Variants in STAU2 observed in about 807,000 individuals in gnomAD.
STAU2 encodes the protein double-stranded RNA-binding protein Staufen homolog 2.
A neutral mutation model predicts 65.9 loss-of-function variants in STAU2; 20 were observed. The ratio of observed to expected loss-of-function variants is 0.30; its 90% CI spans 0.21 to 0.44. The LOEUF is 0.44. Among genes scored for constraint, STAU2 ranks in the 20% least tolerant of loss-of-function variants. The probability of loss-of-function intolerance (pLI) is 1.00; values close to 1 mark genes in which losing one functional copy is unlikely to be tolerated. For missense variants in STAU2, 558 were observed against 683.9 expected, an observed-to-expected ratio of 0.82 and a Z score of 2.05; for synonymous variants, 232 against 233.9, an observed-to-expected ratio of 0.99 and a Z score of 0.07.
chr8:73,599,765 C>A (rs1458398344), intron 10 of STAU2, among the ~76,000 whole-genome samples: 1 of 151,842 alleles, frequency 6.6e-6, no homozygotes, highest in Non-Finnish European at 1.5e-5. Flanking sequence ...TTATTTCCAA[C>A]AGTACTTTTT....
chr8:73,658,943 C>CAAAA (rs71269931), intron 6 of STAU2, among the ~76,000 whole-genome samples: 10 of 141,890 alleles, frequency 7.0e-5, no homozygotes, highest in African/African-American at 2.3e-4. Context: ...ACAAAAACAA[C>CAAAA]AAAAAAAAAA....
chr8:73,535,679 C>T (rs118054317), intron 13 of STAU2, among the ~76,000 whole-genome samples: 3,704 of 152,268 alleles, frequency 0.024, 57 homozygotes, highest in South Asian at 0.043. Flanking sequence ...TTTGACATAC[C>T]TATATACATC....
In STAU2 at chr8:73,746,434, T is replaced by C. The variant is rs1465820917; in HGVS notation, c.-197+349A>G. Among the ~76,000 whole-genome samples, 3 of 151,406 alleles carry C rather than the reference T, an allele frequency of 2.0e-5. No homozygotes were observed. The East Asian group carries it at 6.0e-4, about 30-fold the overall frequency. On this transcript the variant is annotated intron_variant, in intron 1 of 14. Transcript: ENST00000524300. ...CAGCCTCCCGCGCCCGCAGCCGCGT[T>C]CCTGTCTCCCCGACCTCCGCACCCC...
chr8:73,613,847 C>A lies in STAU2; in HGVS notation c.788G>T (p.Arg263Leu). The change falls in exon 9 of 15, where the codon CGC becomes CTC. Residue 263 changes from arginine (R) to leucine (L), a missense_variant. By Grantham distance (102) the Arg-to-Leu change is moderately radical. Around this residue, in one of 3 missense-constraint regions of STAU2, gnomAD observed 199 missense variants for 299.5 expected, o/e 0.66. Coordinates refer to ENST00000524300, the MANE Select transcript of STAU2 (RefSeq NM_001164380.2). ...EGNSKKLSKK[R>L]AATTVLQELK... ...CTCCTGTAAGACGGTGGTCGCAGCG[C>A]GCTTCTTGGAGAGTTTTTTGCTATT... 1 of 1,613,560 alleles carries A rather than the reference C, an allele frequency of 6.2e-7. No homozygotes were observed. The highest frequency in any genetic ancestry group is 8.5e-7 in the Non-Finnish European group (1 of 1,179,780).
chr8:73,435,694 T>C (rs889638197), intron 13 of STAU2, among the ~76,000 whole-genome samples: 9 of 152,030 alleles, frequency 5.9e-5, no homozygotes, highest in Middle Eastern at 3.2e-3. Flanking sequence ...ACTGTCTTTT[T>C]GAGATGTCAG....
At chr8:73,688,043 C>T (rs1056160473) in intron 5 of STAU2, among the ~76,000 whole-genome samples, 4 of 151,418 alleles carry the variant, frequency 2.6e-5, no homozygotes, top group Non-Finnish European at 5.9e-5. Context: ...AAAAAAAACT[C>T]AGTCAAATTT....
At chr8:73,593,006 A>G (rs557230472) in intron 11 of STAU2, among the ~76,000 whole-genome samples, 1 of 152,162 alleles carries the variant, frequency 6.6e-6, no homozygotes, top group Non-Finnish European at 1.5e-5. Flanking sequence ...GTCATTCTCT[A>G]TTCCTTTTTG....
intron 13 of STAU2, among the ~76,000 whole-genome samples, chr8:73,444,998 T>A (rs887430762): frequency 2.0e-5 from 3 of 152,110 alleles, no homozygotes; most frequent in Non-Finnish European, 2.9e-5. Context: ...AGCGCCTAGA[T>A]GGGGAGGCTG....
At chr8:73,546,456 A>C (rs536819735) in intron 13 of STAU2, among the ~76,000 whole-genome samples, 1 of 152,340 alleles carries the variant, frequency 6.6e-6, no homozygotes, top group Non-Finnish European at 1.5e-5. Context: ...AAATCAAATA[A>C]AAGATTTGTA....
At chr8:73,733,106 G>A (rs371193326) in intron 3 of STAU2, among the ~76,000 whole-genome samples, 2 of 151,250 alleles carry the variant, frequency 1.3e-5, no homozygotes, top group East Asian at 1.9e-4. Flanking sequence ...CCTTCGACAC[G>A]GAAAAATTCT....
At chr8:73,666,493 A>C (rs1200477665) in intron 6 of STAU2, among the ~76,000 whole-genome samples, 1 of 152,204 alleles carries the variant, frequency 6.6e-6, no homozygotes, top group Admixed American at 6.5e-5. Flanking sequence ...AGAAGCCTTA[A>C]GTAAGTGTCT....
chr8:73,678,779 G>GT (rs372451667), intron 5 of STAU2, among the ~76,000 whole-genome samples: 2 of 152,114 alleles, frequency 1.3e-5, no homozygotes, highest in East Asian at 3.9e-4. Context: ...AAGAGAATAA[G>GT]TTTTTTTTCT....
intron 13 of STAU2, among the ~76,000 whole-genome samples, chr8:73,484,642 CT>C (rs1243570385): frequency 6.6e-6 from 1 of 152,052 alleles, no homozygotes; most frequent in East Asian, 1.9e-4. Flanking sequence ...GGATATCAGC[CT>C]TGCTTACCAA....
intron 3 of STAU2, among the ~76,000 whole-genome samples, chr8:73,709,556 T>C (rs1820743966): frequency 6.6e-6 from 1 of 152,052 alleles, no homozygotes; most frequent in African/African-American, 2.4e-5. Flanking sequence ...CATCTCAATT[T>C]TTTTCCTTCT....
At chr8:73,543,127 G>A (rs1268147930) in intron 13 of STAU2, among the ~76,000 whole-genome samples, 2 of 152,140 alleles carry the variant, frequency 1.3e-5, no homozygotes, top group Admixed American at 6.5e-5. Context: ...TGGAACATGC[G>A]TGAATTTCAA....
intron 6 of STAU2, chr8:73,669,239 C>T (rs952380103): frequency 2.0e-4 from 115 of 568,786 alleles, no homozygotes; most frequent in Non-Finnish European, 2.9e-4. Flanking sequence ...TAGTACTTTC[C>T]GATATTCTTT....
At chr8:73,674,812 C>T (rs1817925247) in intron 5 of STAU2, among the ~76,000 whole-genome samples, 1 of 151,722 alleles carries the variant, frequency 6.6e-6, no homozygotes, top group Admixed American at 6.6e-5. Context: ...ACCTAAAACC[C>T]TGTAGTTTTA....
chr8:73,540,784 G>A (rs919218068), intron 13 of STAU2, among the ~76,000 whole-genome samples: 4 of 151,530 alleles, frequency 2.6e-5, no homozygotes, highest in South Asian at 2.1e-4. Context: ...GATTTCCCTG[G>A]AAAGATCAAA....
At chr8:73,625,781 A>C (rs1338860852) in intron 6 of STAU2, among the ~76,000 whole-genome samples, 1 of 152,076 alleles carries the variant, frequency 6.6e-6, no homozygotes, top group East Asian at 1.9e-4. Flanking sequence ...TTTCTCACTG[A>C]CAAGACAGTT....
Sources: gnomAD v4.1 joint callset for allele counts (sites outside exome capture counted in the v4.1 genomes callset) on GRCh38, gnomAD v4.1.1 for gene constraint, gnomAD v4.1.1 regional missense constraint, MANE v1.5 for transcripts, NCBI Gene and HGNC (gene_info 2026-07-23, HGNC 2026-07-21) for gene names.